Variants in GMDS observed in about 807,000 individuals in gnomAD.
GMDS encodes the protein GDP-mannose 4,6-dehydratase, also known as GDP-mannose 4,6 dehydratase.
In GMDS, 20 loss-of-function variants were observed where a neutral mutation model predicts 49.9. That is an observed-to-expected ratio of 0.40 (90% CI 0.28 to 0.58). GMDS has a LOEUF of 0.58. GMDS is among the 20% of genes least tolerant of loss of function. GMDS has a pLI of 0.42. For synonymous variants in GMDS, 177 were observed against 178.6 expected (o/e 0.99, Z 0.07); for missense variants, 362 against 481.4 (o/e 0.75, Z 2.32).
chr6:2,081,880 C>T (rs976704165), intron 4 of GMDS, among the ~76,000 whole-genome samples: 5 of 152,068 alleles, frequency 3.3e-5, no homozygotes, highest in Admixed American at 2.0e-4. Flanking sequence ...AAGATATCAA[C>T]GAAGGTGGCC....
chr6:2,130,828 T>A (rs201317158), intron 1 of GMDS, among the ~76,000 whole-genome samples: 9 of 74,396 alleles, frequency 1.2e-4, no homozygotes, highest in Non-Finnish European at 2.9e-4. Flanking sequence ...TAAAAAAAAA[T>A]ACTTTCCCCA....
intron 1 of GMDS, among the ~76,000 whole-genome samples, chr6:2,128,963 T>C (rs1177849421): frequency 1.3e-5 from 2 of 152,204 alleles, no homozygotes; most frequent in Non-Finnish European, 2.9e-5. Flanking sequence ...AGGTCCAGCT[T>C]TGGGGCCAAA....
chr6:1,802,163 G>C (rs1005011709), intron 7 of GMDS, among the ~76,000 whole-genome samples: 6 of 152,184 alleles, frequency 3.9e-5, no homozygotes, highest in African/African-American at 1.4e-4. Context: ...AATAAAATCA[G>C]CTTCTTCAAA....
At chr6:1,711,060 G>C (rs1353005118) in intron 9 of GMDS, among the ~76,000 whole-genome samples, 2 of 152,238 alleles carry the variant, frequency 1.3e-5, no homozygotes, top group African/African-American at 4.8e-5. Context: ...TGGACAGCTG[G>C]ACAGGCACAA....
intron 4 of GMDS, among the ~76,000 whole-genome samples, chr6:2,059,707 C>CAAAAAAAAAAACA (rs1771019333): frequency 5.6e-5 from 1 of 17,766 alleles, no homozygotes; most frequent in Non-Finnish European, 1.0e-4. Context: ...GACTCCGTCT[C>CAAAAAAAAAAACA]AAAAAAAAAA....
chr6:1,976,854 GATTT>G, intron 4 of GMDS, among the ~76,000 whole-genome samples: 1 of 152,268 alleles, frequency 6.6e-6, no homozygotes, highest in East Asian at 1.9e-4. Context: ...ACAGTATTTA[GATTT>G]TATGGGAAAA....
intron 1 of GMDS, among the ~76,000 whole-genome samples, chr6:2,240,230 C>T (rs1781550486): frequency 6.6e-6 from 1 of 152,102 alleles, no homozygotes. Flanking sequence ...TAATAGATTC[C>T]CCATGCAAAG....
Position 2,062,259 on chromosome 6 carries a change from C to A in GMDS, c.345+53512G>T, listed in dbSNP as rs886789682. 3.3e-5 allele frequency among the ~76,000 whole-genome samples: 5 copies of A among 152,294 alleles called. No homozygotes were observed. In the East Asian group the frequency reaches 9.6e-4, roughly 29 times the overall value. ...CCTGAGAGTCCTGCATGGTTGCATG[C>A]AGCAGTCGCTCTTCTGGGGCATTGT... is the stretch of plus-strand genomic sequence containing the variant. On this transcript the variant is annotated intron_variant, in intron 4 of 10. Coordinates refer to ENST00000380815, the MANE Select transcript of GMDS (RefSeq NM_001500.4).
At chr6:1,889,483 T>C (rs962743137) in intron 7 of GMDS, among the ~76,000 whole-genome samples, 9 of 152,188 alleles carry the variant, frequency 5.9e-5, no homozygotes, top group Non-Finnish European at 8.8e-5. Flanking sequence ...CCCTGGACAG[T>C]TGGTTCACTT....
At chr6:2,091,820 T>G (rs374343381) in intron 4 of GMDS, among the ~76,000 whole-genome samples, 1 of 151,914 alleles carries the variant, frequency 6.6e-6, no homozygotes, top group East Asian at 1.9e-4. Context: ...GGAGGATCCT[T>G]TGAGCCTGAG....
At chr6:2,235,809 T>TAAAAA (rs574415869) in intron 1 of GMDS, among the ~76,000 whole-genome samples, 1 of 79,444 alleles carries the variant, frequency 1.3e-5, no homozygotes, top group East Asian at 3.2e-4. Flanking sequence ...TTCTGGAAAA[T>TAAAAA]AAAAAAAAAT....
At chr6:1,923,628 C>T (rs1761838533) in intron 7 of GMDS, among the ~76,000 whole-genome samples, 2 of 152,188 alleles carry the variant, frequency 1.3e-5, no homozygotes, top group African/African-American at 4.8e-5. Flanking sequence ...CCGGATCCCG[C>T]ACTCGCTCAC....
intron 9 of GMDS, among the ~76,000 whole-genome samples, chr6:1,678,181 C>A (rs2814813): frequency 0.21 from 31,363 of 151,766 alleles, 3,467 homozygotes; most frequent in East Asian, 0.49. Flanking sequence ...GTTCTCAAGG[C>A]GAAGATCAGG....
chr6:2,113,381 C>A (rs543097993), intron 4 of GMDS, among the ~76,000 whole-genome samples: 2 of 152,070 alleles, frequency 1.3e-5, no homozygotes, highest in East Asian at 1.9e-4. Context: ...TAGAAGTCAT[C>A]ACTGAATATA....
At chr6:1,673,384 ATAGACT>A (rs1376066683) in intron 9 of GMDS, among the ~76,000 whole-genome samples, 8 of 150,992 alleles carry the variant, frequency 5.3e-5, no homozygotes, top group Admixed American at 3.3e-4. Context: ...TTTTTTTTAA[ATAGACT>A]TAGTATTTTT....
intron 4 of GMDS, among the ~76,000 whole-genome samples, chr6:2,030,034 A>G (rs111555335): frequency 7.2e-5 from 11 of 152,068 alleles, no homozygotes; most frequent in African/African-American, 2.7e-4. Context: ...AGTGATATGA[A>G]GACAGTCCAG....
chr6:1,855,554 G>A (rs1390809279), intron 7 of GMDS, among the ~76,000 whole-genome samples: 1 of 152,176 alleles, frequency 6.6e-6, no homozygotes, highest in East Asian at 1.9e-4. Context: ...GAGGGTACCT[G>A]ACTTGTTATG....
At chr6:2,056,108 C>T (rs115514583) in intron 4 of GMDS, among the ~76,000 whole-genome samples, 310 of 152,272 alleles carry the variant, frequency 2.0e-3, no homozygotes, top group African/African-American at 7.4e-3. Flanking sequence ...AAACATTCTA[C>T]TGCTTGTATG....
intron 1 of GMDS, among the ~76,000 whole-genome samples, chr6:2,178,466 A>C (rs1778382496): frequency 6.8e-6 from 1 of 146,794 alleles, no homozygotes; most frequent in African/African-American, 2.7e-5. Flanking sequence ...TTTGAAGAGA[A>C]CACCACCGGT....
Sources: allele counts gnomAD v4.1 joint callset (sites outside exome capture counted in the v4.1 genomes callset), GRCh38; gene constraint gnomAD v4.1.1; transcripts MANE v1.5; gene names NCBI Gene and HGNC (gene_info 2026-07-23, HGNC 2026-07-21).